NCOA1: variants seen among roughly 807,000 people sequenced by gnomAD.
NCOA1 encodes the protein Hin-2 protein.
Under a neutral mutation model 150.9 loss-of-function variants are expected in NCOA1, and 35 were observed. The ratio of observed to expected loss-of-function variants is 0.23; its 90% CI spans 0.18 to 0.31. The LOEUF is 0.31. Among genes scored for constraint, NCOA1 ranks in the 10% least tolerant of loss-of-function variants. The pLI is 1.00. For synonymous variants in NCOA1, 590 were observed against 630.0 expected, an observed-to-expected ratio of 0.94 and a Z score of 0.95; for missense variants, 1,491 against 1,749.3, an observed-to-expected ratio of 0.85 and a Z score of 2.63.
At chr2:24,643,605 T>A (rs1670332044) in intron 3 of NCOA1, among the ~76,000 whole-genome samples, 1 of 152,136 alleles carries the variant, frequency 6.6e-6, no homozygotes, top group Non-Finnish European at 1.5e-5. Context: ...AATAATTATG[T>A]GATAACTGAA....
rs560354048 is a variant in NCOA1 at position 24,575,674 on chromosome 2, C to T, written c.-259-8802C>T. ...CTGCAACCTCCACCTCCCGGGTTCA[C>T]GCCATTCTCCTGCCTCAGCCTCCTG... On this transcript the variant is annotated intron_variant, in intron 2 of 22. Transcript: ENST00000348332. Among the ~76,000 whole-genome samples the T allele has an allele frequency of 8.6e-5, 13 of 151,156 alleles. No homozygotes were observed. In the East Asian group the frequency reaches 1.6e-3, roughly 18 times the overall value.
At chr2:24,668,233 A>G (rs1047344401) in intron 6 of NCOA1, among the ~76,000 whole-genome samples, 3 of 152,218 alleles carry the variant, frequency 2.0e-5, no homozygotes, top group Non-Finnish European at 2.9e-5. Flanking sequence ...AGAATAGAAC[A>G]AATGGAAGGG....
chr2:24,756,247 TC>T (rs1272832914), intron 20 of NCOA1, among the ~76,000 whole-genome samples: 1 of 152,016 alleles, frequency 6.6e-6, no homozygotes, highest in Non-Finnish European at 1.5e-5. Flanking sequence ...AGAGTAAAAC[TC>T]CCATCTCCAA....
At chr2:24,583,175 G>C (rs1667269116) in intron 2 of NCOA1, among the ~76,000 whole-genome samples, 1 of 152,058 alleles carries the variant, frequency 6.6e-6, no homozygotes, top group Non-Finnish European at 1.5e-5. Context: ...TCTGATAAGA[G>C]ATTAATATCA....
chr2:24,518,165 A>G (rs1364545886), intron 1 of NCOA1, among the ~76,000 whole-genome samples: 1 of 152,180 alleles, frequency 6.6e-6, no homozygotes, highest in Non-Finnish European at 1.5e-5. Context: ...TTGGGAATGC[A>G]AGATTGGTTT....
intron 2 of NCOA1, among the ~76,000 whole-genome samples, chr2:24,569,802 G>T (rs563170178): frequency 6.7e-6 from 1 of 149,936 alleles, no homozygotes; most frequent in Non-Finnish European, 1.5e-5. Flanking sequence ...CCCTGGGGGC[G>T]GAGGTTGCAG....
chr2:24,703,176 T>G (rs1177909249), intron 11 of NCOA1, among the ~76,000 whole-genome samples: 6 of 152,204 alleles, frequency 3.9e-5, no homozygotes, highest in African/African-American at 1.4e-4. Flanking sequence ...TGGGTGAATG[T>G]TAATTTGCAT....
intron 3 of NCOA1, among the ~76,000 whole-genome samples, chr2:24,612,044 A>G (rs1306210551): frequency 6.6e-6 from 1 of 152,042 alleles, no homozygotes; most frequent in Non-Finnish European, 1.5e-5. Context: ...TTTGTGGTAG[A>G]AGGTTATTTT....
rs547126620 is a variant in NCOA1 at position 24,592,778 on chromosome 2, G to C, written c.-175+8218G>C. 2.6e-5 allele frequency among the ~76,000 whole-genome samples: 4 copies of C among 151,950 alleles called. No homozygotes were observed. The East Asian group carries it at 7.7e-4, about 29-fold the overall frequency. The stretch of plus-strand genomic sequence containing the variant: ...CAATTCTTTCATTAGGGAGCACTTT[G>C]CATAAAGTGAAATGTTCTCTGTTCC... On this transcript the variant is annotated intron_variant, in intron 3 of 22. Coordinates refer to ENST00000348332, the MANE Select transcript of NCOA1 (RefSeq NM_003743.5).
intron 14 of NCOA1, among the ~76,000 whole-genome samples, chr2:24,717,340 T>C (rs1272282321): frequency 2.6e-5 from 4 of 152,192 alleles, no homozygotes. Flanking sequence ...TTGCCAAAAC[T>C]TGGAAGCGAT....
At chr2:24,567,146 T>C (rs1452802257) in intron 2 of NCOA1, among the ~76,000 whole-genome samples, 2 of 152,242 alleles carry the variant, frequency 1.3e-5, no homozygotes, top group African/African-American at 4.8e-5. Flanking sequence ...GTTAGTGTAA[T>C]TGAGCAATTT....
At chr2:24,570,628 C>T (rs1666705918) in intron 2 of NCOA1, among the ~76,000 whole-genome samples, 1 of 152,138 alleles carries the variant, frequency 6.6e-6, no homozygotes, top group Admixed American at 6.5e-5. Flanking sequence ...CTGCTAACTG[C>T]ACGGGCAGAA....
intron 10 of NCOA1, 94 bp from the exon 11 acceptor site, chr2:24,697,564 A>G (rs545420618): frequency 3.6e-5 from 41 of 1,123,692 alleles, no homozygotes; most frequent in Admixed American, 1.3e-4. Context: ...GAGTATTTGG[A>G]AAGAATATTT....
At chr2:24,744,439 G>T (rs557531575) in intron 19 of NCOA1, among the ~76,000 whole-genome samples, 1 of 152,314 alleles carries the variant, frequency 6.6e-6, no homozygotes, top group South Asian at 2.1e-4. Flanking sequence ...TCTGGACAGA[G>T]TAAGAATGTT....
intron 1 of NCOA1, among the ~76,000 whole-genome samples, chr2:24,526,801 A>G (rs962567407): frequency 2.6e-5 from 4 of 152,124 alleles, no homozygotes; most frequent in Non-Finnish European, 5.9e-5. Context: ...GGCCCTCTAT[A>G]TCTGTGGGTT....
intron 2 of NCOA1, among the ~76,000 whole-genome samples, chr2:24,577,613 T>C (rs1298121488): frequency 2.0e-5 from 3 of 152,190 alleles, no homozygotes; most frequent in Non-Finnish European, 4.4e-5. Context: ...ATGGTTTCAG[T>C]TTTTTTATAG....
intron 1 of NCOA1, among the ~76,000 whole-genome samples, chr2:24,497,621 G>A (rs1366438407): frequency 2.6e-5 from 4 of 151,886 alleles, no homozygotes; most frequent in African/African-American, 9.7e-5. Context: ...GCAGTGAGCC[G>A]AGATCGCGCC....
chr2:24,687,427 T>C (rs1340014458), intron 8 of NCOA1, among the ~76,000 whole-genome samples: 1 of 152,050 alleles, frequency 6.6e-6, no homozygotes, highest in Non-Finnish European at 1.5e-5. Flanking sequence ...GGTAAACTCA[T>C]GTCATGGGGG....
At chr2:24,718,212 A>G (rs1268511877) in intron 14 of NCOA1, among the ~76,000 whole-genome samples, 2 of 152,114 alleles carry the variant, frequency 1.3e-5, no homozygotes, top group Non-Finnish European at 2.9e-5. Context: ...GATACTTAAC[A>G]TCTTTAATCA....
Sources: gnomAD v4.1 joint callset for allele counts (sites outside exome capture counted in the v4.1 genomes callset) on GRCh38, gnomAD v4.1.1 for gene constraint, MANE v1.5 for transcripts, NCBI Gene and HGNC (gene_info 2026-07-23, HGNC 2026-07-21) for gene names.